Variants in SEMA6D observed in about 807,000 individuals in gnomAD.
SEMA6D encodes the protein semaphorin-6D.
SEMA6D carries 35 observed loss-of-function variants against 106.6 expected under a neutral mutation model. That is an observed-to-expected ratio of 0.33 (90% confidence interval 0.25 to 0.44). SEMA6D has a LOEUF of 0.44. Ranked by LOEUF, SEMA6D falls within the 20% of genes least tolerant of loss-of-function variation. The pLI, the probability that SEMA6D is intolerant of heterozygous loss-of-function variation, is 1.00. For synonymous variants in SEMA6D, 499 were observed against 487.7 expected (o/e 1.02, Z -0.31); for missense variants, 1,185 against 1,345.9 (o/e 0.88, Z 1.87).
At chr15:47,531,155 A>T (rs971511697) in intron 3 of SEMA6D, among the ~76,000 whole-genome samples, 9 of 152,230 alleles carry the variant, frequency 5.9e-5, no homozygotes, top group African/African-American at 1.9e-4. Context: ...ATATATCTTT[A>T]TATGTATATG....
At chr15:47,319,546 C>T (rs192450153) in intron 1 of SEMA6D, among the ~76,000 whole-genome samples, 14 of 151,968 alleles carry the variant, frequency 9.2e-5, no homozygotes, top group Non-Finnish European at 1.6e-4. Context: ...TTTCTCCCCC[C>T]ACCCCAGGGA....
chr15:47,359,853 A>G (rs1343021758), intron 1 of SEMA6D: 1 of 152,174 alleles, frequency 6.6e-6, no homozygotes, highest in Non-Finnish European at 1.5e-5. Flanking sequence ...GGGATCAATT[A>G]GAGCTGGGGA....
intron 3 of SEMA6D, among the ~76,000 whole-genome samples, chr15:47,571,474 T>C (rs1429951643): frequency 6.6e-6 from 1 of 152,238 alleles, no homozygotes; most frequent in African/African-American, 2.4e-5. Flanking sequence ...AGTCTTTGAA[T>C]TCTGCAATGA....
intron 1 of SEMA6D, 140 bp downstream of exon 1, chr15:47,717,832 CTGTGTGTGTGTGTGTGTGTGTGTGTGTG>C (rs71118194): frequency 1.0e-5 from 1 of 99,224 alleles, no homozygotes; most frequent in African/African-American, 4.9e-5. Flanking sequence ...TCCCGAATCG[CTGTGTGTGTGTGTGTGTGTGTGTGTGTG>C]TGTGTGTGTG....
chr15:47,295,039 G>A (rs1413039898), intron 1 of SEMA6D, among the ~76,000 whole-genome samples: 11 of 152,298 alleles, frequency 7.2e-5, no homozygotes, highest in African/African-American at 2.6e-4. Context: ...AGAGTAGGGA[G>A]AGCCAAGAGA....
intron 4 of SEMA6D, among the ~76,000 whole-genome samples, chr15:47,698,328 T>C (rs2078741731): frequency 6.6e-6 from 1 of 152,186 alleles, no homozygotes; most frequent in East Asian, 1.9e-4. Context: ...TCAGCTTAGG[T>C]ATTATTTAAC....
chr15:47,707,366 A>C (rs2078932170), intron 4 of SEMA6D, among the ~76,000 whole-genome samples: 1 of 152,238 alleles, frequency 6.6e-6, no homozygotes, highest in African/African-American at 2.4e-5. Context: ...GTTCTCTAAA[A>C]ATTTCTGAAA....
At chr15:47,378,500 A>G (rs146132348) in intron 1 of SEMA6D, among the ~76,000 whole-genome samples, 3,319 of 152,292 alleles carry the variant, frequency 0.022, 57 homozygotes, top group South Asian at 0.033. Context: ...TGTCTCAAAA[A>G]TAAAATAGAA....
intron 1 of SEMA6D, among the ~76,000 whole-genome samples, chr15:47,342,620 T>C (rs1442410195): frequency 1.3e-5 from 2 of 152,234 alleles, no homozygotes; most frequent in African/African-American, 4.8e-5. Flanking sequence ...CTAAAATTAT[T>C]ATGAGCAACA....
intron 4 of SEMA6D, among the ~76,000 whole-genome samples, chr15:47,660,046 A>G (rs1242757509): frequency 2.7e-5 from 4 of 150,788 alleles, no homozygotes; most frequent in Non-Finnish European, 5.9e-5. Context: ...TTTTTTTTGT[A>G]TTATAGACTC....
At chr15:47,619,972 A>T (rs1486466016) in intron 4 of SEMA6D, among the ~76,000 whole-genome samples, 1 of 152,142 alleles carries the variant, frequency 6.6e-6, no homozygotes, top group African/African-American at 2.4e-5. Context: ...TATTCACATT[A>T]CATCTGCTGT....
intron 1 of SEMA6D, among the ~76,000 whole-genome samples, chr15:47,271,493 C>T (rs1297572097): frequency 6.6e-6 from 1 of 152,130 alleles, no homozygotes; most frequent in Non-Finnish European, 1.5e-5. Flanking sequence ...TAAAGTTCAA[C>T]ATTATCAGTC....
At chr15:47,296,912 A>G (rs2035823261) in intron 1 of SEMA6D, among the ~76,000 whole-genome samples, 1 of 152,156 alleles carries the variant, frequency 6.6e-6, no homozygotes, top group Non-Finnish European at 1.5e-5. Flanking sequence ...GGAATTCTAA[A>G]CATCATCTTT....
intron 2 of SEMA6D, among the ~76,000 whole-genome samples, chr15:47,424,188 A>G (rs2041258894): frequency 6.6e-6 from 1 of 152,034 alleles, no homozygotes; most frequent in Admixed American, 6.6e-5. Flanking sequence ...AGGAAAGTGC[A>G]CTCGAAACAT....
At chr15:47,730,727 A>G (rs1260430997) in intron 1 of SEMA6D, 30 of 1,604,624 alleles carry the variant, frequency 1.9e-5, no homozygotes, top group Non-Finnish European at 2.5e-5. Flanking sequence ...AGCCGCTTAT[A>G]GAGTATAGCT....
intron 1 of SEMA6D, among the ~76,000 whole-genome samples, chr15:47,743,130 T>C (rs1301530925): frequency 6.6e-6 from 1 of 152,216 alleles, no homozygotes; most frequent in African/African-American, 2.4e-5. Flanking sequence ...ACTGGCACAC[T>C]GCTAAGTCCT....
chr15:47,652,504 C>A lies in SEMA6D; in HGVS notation c.-55+51608C>A, dbSNP rs573216454. On this transcript the variant is annotated intron_variant, in intron 4 of 19. Coordinates refer to the SEMA6D transcript ENST00000558014. ...CCGCTCCCCTTCTTCAAAAACCCAC[C>A]CGTCTCCAATTTCCCGAGAGTGTTA... Among the ~76,000 whole-genome samples, 21 of 152,212 alleles carry A rather than the reference C, an allele frequency of 1.4e-4. 1 individual carries two copies. In the South Asian group the frequency reaches 4.2e-3, roughly 30 times the overall value.
At chr15:47,554,795 A>G (rs1340556532) in intron 3 of SEMA6D, among the ~76,000 whole-genome samples, 1 of 151,872 alleles carries the variant, frequency 6.6e-6, no homozygotes, top group Non-Finnish European at 1.5e-5. Flanking sequence ...GCTTCTGTGT[A>G]TTTTCTCTAA....
At chr15:47,383,139 C>T (rs2039702409) in intron 1 of SEMA6D, among the ~76,000 whole-genome samples, 2 of 152,202 alleles carry the variant, frequency 1.3e-5, no homozygotes, top group Admixed American at 1.3e-4. Flanking sequence ...TCTCAGCCAT[C>T]TGGCACTTAC....
Sources: gnomAD v4.1 joint callset for allele counts (sites outside exome capture counted in the v4.1 genomes callset) on GRCh38, gnomAD v4.1.1 for gene constraint, MANE v1.5 for transcripts, NCBI Gene and HGNC (gene_info 2026-07-23, HGNC 2026-07-21) for gene names.